Variants in CCDC83 observed in about 807,000 individuals in gnomAD.
CCDC83 encodes the protein coiled-coil domain-containing protein 83.
In CCDC83, 54 loss-of-function variants were observed where a neutral mutation model predicts 50.1. The observed-to-expected ratio is 1.08, with a 90% CI of 0.87 to 1.35. The LOEUF is 1.35. Ranked by LOEUF, CCDC83 falls within the 40% of genes most tolerant of loss-of-function variation. CCDC83 has a pLI of 0.00. For missense variants in CCDC83, 518 were observed against 473.9 expected, an observed-to-expected ratio of 1.09 and a Z score of -0.86; for synonymous variants, 161 against 153.3, an observed-to-expected ratio of 1.05 and a Z score of -0.37.
At chr11:85,862,215 G>A (rs2093180533) in intron 1 of CCDC83, among the ~76,000 whole-genome samples, 1 of 152,040 alleles carries the variant, frequency 6.6e-6, no homozygotes, top group African/African-American at 2.4e-5. Context: ...AGGCGTTTGG[G>A]AAATATTTAT....
intron 10 of CCDC83, among the ~76,000 whole-genome samples, chr11:85,918,780 G>A (rs1359260295): frequency 1.3e-5 from 2 of 152,112 alleles, no homozygotes; most frequent in Non-Finnish European, 2.9e-5. Context: ...AGGAAGGTAT[G>A]GTCATCCACA....
chr11:85,884,016 C>T (rs1473291950), intron 4 of CCDC83, among the ~76,000 whole-genome samples: 1 of 152,158 alleles, frequency 6.6e-6, no homozygotes, highest in Non-Finnish European at 1.5e-5. Flanking sequence ...GGAAGGAATA[C>T]TTTAGTAAGT....
chr11:85,874,766 T>C (rs2093259380), intron 3 of CCDC83, among the ~76,000 whole-genome samples: 1 of 152,246 alleles, frequency 6.6e-6, no homozygotes, highest in Admixed American at 6.5e-5. Context: ...CCAGGTCTAA[T>C]AGACTCTTCT....
intron 4 of CCDC83, among the ~76,000 whole-genome samples, chr11:85,885,168 C>G (rs930838977): frequency 1.3e-5 from 2 of 151,748 alleles, no homozygotes; most frequent in Non-Finnish European, 2.9e-5. Context: ...GAGCCGAGAT[C>G]GCGCCACTGC....
At chr11:85,881,748 C>T (rs1341808009) in intron 3 of CCDC83, among the ~76,000 whole-genome samples, 1 of 152,054 alleles carries the variant, frequency 6.6e-6, no homozygotes. Context: ...TTAGGTATGC[C>T]CTGTATGCTA....
chr11:85,911,102 T>A (rs1565156383), intron 7 of CCDC83, among the ~76,000 whole-genome samples, 179 bp from the exon 8 acceptor site: 2 of 144,030 alleles, frequency 1.4e-5, no homozygotes, highest in Non-Finnish European at 3.0e-5. Flanking sequence ...ACCCAGGAGG[T>A]AGAGGTTGCA....
At chr11:85,869,268 T>C (rs1213721855) in intron 2 of CCDC83, among the ~76,000 whole-genome samples, 3 of 152,210 alleles carry the variant, frequency 2.0e-5, no homozygotes, top group Non-Finnish European at 4.4e-5. Context: ...GGTCATGAAC[T>C]TCTATGGTTG....
intron 4 of CCDC83, among the ~76,000 whole-genome samples, chr11:85,883,889 A>G (rs1164408191): frequency 6.6e-6 from 1 of 152,226 alleles, no homozygotes; most frequent in Non-Finnish European, 1.5e-5. Context: ...GGGGAGTCCA[A>G]AACTGTTCCC....
At chr11:85,894,276 C>A (rs551884330) in intron 5 of CCDC83, among the ~76,000 whole-genome samples, 2 of 152,234 alleles carry the variant, frequency 1.3e-5, no homozygotes, top group African/African-American at 4.8e-5. Flanking sequence ...AGCCTCTGGA[C>A]CTGCCCAGAA....
chr11:85,915,517 A>C lies in CCDC83; in HGVS notation c.874+19A>C. The C allele has an allele frequency of 6.5e-7, 1 of 1,541,572 alleles. No individual in the cohort carries two copies. Among genetic ancestry groups the C allele is most frequent in the Non-Finnish European group, 8.9e-7 (1 of 1,127,636 alleles). On this transcript the variant is annotated intron_variant, in intron 9 of 10. Transcript: ENST00000342404. Reference sequence around the variant, plus strand: ...CATATAGGTATTACTTTATTGCAATAATGATGATGATTTTTTTCAAACTCT... The same window carrying C: ...CATATAGGTATTACTTTATTGCAATCATGATGATGATTTTTTTCAAACTCT...
At chr11:85,887,969 A>T (rs1305391148) in intron 5 of CCDC83, among the ~76,000 whole-genome samples, 1 of 151,954 alleles carries the variant, frequency 6.6e-6, no homozygotes, top group Non-Finnish European at 1.5e-5. Flanking sequence ...TACCTAGCTA[A>T]TTTTATTTAT....
At chr11:85,918,389 A>G (rs2093492452) in intron 10 of CCDC83, among the ~76,000 whole-genome samples, 1 of 152,188 alleles carries the variant, frequency 6.6e-6, no homozygotes, top group African/African-American at 2.4e-5. Flanking sequence ...AGGGCCTGGC[A>G]TACAGTGAAC....
intron 4 of CCDC83, among the ~76,000 whole-genome samples, chr11:85,885,657 G>T (rs1304560557): frequency 6.6e-6 from 1 of 152,154 alleles, no homozygotes; most frequent in Non-Finnish European, 1.5e-5. Flanking sequence ...AGGGGGGTGG[G>T]AAAAGACATG....
chr11:85,888,550 T>C (rs934034150), intron 5 of CCDC83, among the ~76,000 whole-genome samples: 1 of 152,224 alleles, frequency 6.6e-6, no homozygotes, highest in African/African-American at 2.4e-5. Flanking sequence ...ATTGCAAATA[T>C]TTTTCCCATT....
At chr11:85,915,983 A>G in intron 9 of CCDC83, 45 bp from the exon 10 acceptor site, 1 of 1,269,322 alleles carries the variant, frequency 7.9e-7, no homozygotes, top group Non-Finnish European at 1.1e-6. Context: ...TTATTTGTAT[A>G]TGTTCAAAAT....
At chr11:85,863,288 T>A (rs1402619943) in intron 1 of CCDC83, among the ~76,000 whole-genome samples, 1 of 152,226 alleles carries the variant, frequency 6.6e-6, no homozygotes, top group African/African-American at 2.4e-5. Flanking sequence ...AAATGGAAAA[T>A]AATATAAAAA....
chr11:85,907,999 T>A (rs1272265798), intron 7 of CCDC83, among the ~76,000 whole-genome samples: 1 of 152,222 alleles, frequency 6.6e-6, no homozygotes, highest in East Asian at 1.9e-4. Context: ...TAAATTTTCC[T>A]TAAGGCATTC....
chr11:85,899,213 A>C (rs1160906777), intron 7 of CCDC83, among the ~76,000 whole-genome samples, 198 bp downstream of exon 7: 3 of 152,162 alleles, frequency 2.0e-5, no homozygotes, highest in African/African-American at 7.2e-5. Flanking sequence ...AATCAGAAAA[A>C]AATGTTGGGG....
intron 3 of CCDC83, among the ~76,000 whole-genome samples, chr11:85,881,393 C>T (rs2093299745): frequency 6.6e-6 from 1 of 151,564 alleles, no homozygotes; most frequent in Admixed American, 6.6e-5. Flanking sequence ...AAAAAAGTTT[C>T]AGATTTTAAA....
Sources: allele counts gnomAD v4.1 joint callset (sites outside exome capture counted in the v4.1 genomes callset), GRCh38; gene constraint gnomAD v4.1.1; transcripts MANE v1.5; gene names NCBI Gene and HGNC (gene_info 2026-07-23, HGNC 2026-07-21).